The following CNGB3 variants were observed in gnomAD, a reference collection of about 807,000 sequenced individuals.
CNGB3 encodes the protein cyclic nucleotide gated channel subunit beta 3.
In CNGB3, 86 loss-of-function variants were observed where a neutral mutation model predicts 92.8. That is an observed-to-expected ratio of 0.93 (90% confidence interval 0.78 to 1.11). The LOEUF (loss-of-function observed/expected upper bound fraction) is 1.11, where lower values mean the gene tolerates loss of function less well. CNGB3 is among the 50% of genes least tolerant of loss of function. The probability of loss-of-function intolerance (pLI) is 0.00; values close to 1 mark genes in which losing one functional copy is unlikely to be tolerated. For missense variants in CNGB3, 1,026 were observed against 956.8 expected (o/e 1.07, Z -0.95); for synonymous variants, 333 against 332.7 (o/e 1.00, Z -0.01).
intron 3 of CNGB3, among the ~76,000 whole-genome samples, chr8:86,698,371 T>C (rs1824489529): frequency 6.6e-6 from 1 of 152,226 alleles, no homozygotes; most frequent in African/African-American, 2.4e-5. Context: ...GGTTAGCTAA[T>C]TCTCTTTAAT....
chr8:86,647,855 A>G lies in CNGB3; in HGVS notation c.936T>C (p.Ile312=), dbSNP rs1283192764. 6.3e-7 allele frequency: 1 copy of G among 1,599,268 alleles called. No individual in the cohort carries two copies. The highest frequency in any genetic ancestry group is 8.6e-7 in the Non-Finnish European group (1 of 1,167,468). The change falls in exon 8 of 18, where the codon ATT becomes ATC. Residue 312 remains isoleucine, a synonymous_variant. Coordinates refer to ENST00000320005, the MANE Select transcript of CNGB3 (RefSeq NM_019098.5). ...GATTAAACCCAAAGAAGAGGTAGCAAATATCAAATGGTATTATTGATGCGA... is the reference window on the plus strand; with the variant it reads ...GATTAAACCCAAAGAAGAGGTAGCAGATATCAAATGGTATTATTGATGCGA... The part of the protein sequence containing the change: ...LDVASIIPFD[I]CYLFFGFNPM...
At chr8:86,595,759 A>G (rs1822157741) in intron 15 of CNGB3, among the ~76,000 whole-genome samples, 3 of 152,338 alleles carry the variant, frequency 2.0e-5, no homozygotes, top group East Asian at 1.9e-4. Flanking sequence ...AAAATAGTCC[A>G]AAGACCTAAA....
At chr8:86,705,883 A>G (rs907504471) in intron 3 of CNGB3, among the ~76,000 whole-genome samples, 2 of 152,206 alleles carry the variant, frequency 1.3e-5, no homozygotes, top group East Asian at 3.9e-4. Flanking sequence ...AGTGGGTGAT[A>G]CAGAACCAGA....
intron 13 of CNGB3, among the ~76,000 whole-genome samples, chr8:86,612,877 G>A (rs1705444519): frequency 6.6e-6 from 1 of 152,206 alleles, no homozygotes; most frequent in South Asian, 2.1e-4. Context: ...GCAAGGCTTT[G>A]TATGATAACC....
At chr8:86,588,503 A>G (rs1440495506) in intron 15 of CNGB3, among the ~76,000 whole-genome samples, 51 of 148,772 alleles carry the variant, frequency 3.4e-4, no homozygotes, top group Admixed American at 1.3e-3. Flanking sequence ...ATTATTTTGA[A>G]ATATGTCCCA....
At chr8:86,706,636 T>C (rs376505709) in intron 3 of CNGB3, among the ~76,000 whole-genome samples, 1 of 152,228 alleles carries the variant, frequency 6.6e-6, no homozygotes, top group Admixed American at 6.5e-5. Context: ...TGATGCCCTC[T>C]GAAGTCCAGA....
intron 10 of CNGB3, among the ~76,000 whole-genome samples, chr8:86,643,095 G>A (rs529289479): frequency 8.8e-4 from 129 of 147,140 alleles, no homozygotes; most frequent in Non-Finnish European, 1.7e-3. Flanking sequence ...GCCAACTCAG[G>A]ATACACACAC....
intron 1 of CNGB3, 62 bp downstream of exon 1, chr8:86,743,437 A>C: frequency 6.3e-7 from 1 of 1,587,980 alleles, no homozygotes; most frequent in Non-Finnish European, 8.6e-7. Context: ...CAGTGATTAA[A>C]TGCTATTACC....
intron 3 of CNGB3, among the ~76,000 whole-genome samples, chr8:86,687,349 G>C (rs554191750): frequency 1.3e-5 from 2 of 152,074 alleles, no homozygotes; most frequent in East Asian, 3.9e-4. Flanking sequence ...GCATTATTCA[G>C]CCATATAAAA....
intron 15 of CNGB3, among the ~76,000 whole-genome samples, chr8:86,586,148 GA>G (rs955557540): frequency 6.6e-6 from 1 of 152,022 alleles, no homozygotes; most frequent in Admixed American, 6.6e-5. Context: ...GGAGTACATA[GA>G]AATAGCATAC....
At chr8:86,629,252 T>C (rs1165808864) in intron 11 of CNGB3, among the ~76,000 whole-genome samples, 174 bp from the exon 12 acceptor site, 1 of 152,208 alleles carries the variant, frequency 6.6e-6, no homozygotes, top group Non-Finnish European at 1.5e-5. Context: ...CAGCAGTGGA[T>C]TGATTTTAAA....
chr8:86,694,737 G>T (rs1824411795), intron 3 of CNGB3, among the ~76,000 whole-genome samples: 1 of 151,906 alleles, frequency 6.6e-6, no homozygotes, highest in Admixed American at 6.6e-5. Context: ...CTTCCTAGAT[G>T]GGATGGCGGC....
At chr8:86,659,148 C>A in intron 6 of CNGB3, 1 of 710,316 alleles carries the variant, frequency 1.4e-6, no homozygotes, top group Non-Finnish European at 2.5e-6. Flanking sequence ...CCGAGTCATG[C>A]TGTGCTCCTT....
At chr8:86,653,261 A>G (rs547011020) in intron 7 of CNGB3, among the ~76,000 whole-genome samples, 1 of 152,226 alleles carries the variant, frequency 6.6e-6, no homozygotes, top group East Asian at 1.9e-4. Flanking sequence ...TCATCAAAGC[A>G]GCATAGAGAT....
At chr8:86,600,909 C>T (rs1308398303) in intron 15 of CNGB3, among the ~76,000 whole-genome samples, 5 of 150,002 alleles carry the variant, frequency 3.3e-5, no homozygotes, top group East Asian at 2.0e-4. Context: ...GGATTACAGG[C>T]GTGAGCCACC....
At chr8:86,590,652 A>G (rs565917212) in intron 15 of CNGB3, among the ~76,000 whole-genome samples, 5,531 of 150,868 alleles carry the variant, frequency 0.037, 323 homozygotes, top group African/African-American at 0.13. Context: ...TTCTTTAAGA[A>G]TGTTGAATAT....
intron 1 of CNGB3, among the ~76,000 whole-genome samples, chr8:86,741,434 T>C (rs954634224): frequency 1.3e-5 from 2 of 152,076 alleles, no homozygotes; most frequent in Non-Finnish European, 2.9e-5. Flanking sequence ...AAGGACAAGG[T>C]GGGCGGAACA....
intron 3 of CNGB3, among the ~76,000 whole-genome samples, chr8:86,717,249 G>C (rs1282415925): frequency 6.6e-6 from 1 of 152,104 alleles, no homozygotes; most frequent in East Asian, 1.9e-4. Context: ...AAATGAGATA[G>C]ACGGCAACAC....
chr8:86,648,800 A>G (rs1322058969), intron 7 of CNGB3, among the ~76,000 whole-genome samples: 1 of 151,216 alleles, frequency 6.6e-6, no homozygotes, highest in East Asian at 1.9e-4. Context: ...GAAGTCCTAG[A>G]CAGAGGAATC....
Sources: gnomAD v4.1 joint callset for allele counts (sites outside exome capture counted in the v4.1 genomes callset) on GRCh38, gnomAD v4.1.1 for gene constraint, MANE v1.5 for transcripts, NCBI Gene and HGNC (gene_info 2026-07-23, HGNC 2026-07-21) for gene names.